MYH15: variants seen among roughly 807,000 people sequenced by gnomAD.
MYH15 encodes the protein myosin-15.
In MYH15, 227 loss-of-function variants were observed where a neutral mutation model predicts 240.5. The ratio of observed to expected loss-of-function variants is 0.94; its 90% confidence interval spans 0.85 to 1.05. The LOEUF is 1.05. Ranked by LOEUF, MYH15 falls within the 50% of genes least tolerant of loss-of-function variation. MYH15 has a pLI of 0.00. For missense variants in MYH15, 2,217 were observed against 2,247.5 expected (o/e 0.99, Z 0.27); for synonymous variants, 785 against 796.7 (o/e 0.99, Z 0.25).
chr3:108,445,709 T>C (rs12490722), intron 21 of MYH15, among the ~76,000 whole-genome samples: 13,300 of 152,056 alleles, frequency 0.087, 1,327 homozygotes, highest in East Asian at 0.53. Flanking sequence ...AAAAGTTTGA[T>C]GAAACCCCCA....
intron 11 of MYH15, among the ~76,000 whole-genome samples, chr3:108,477,511 CT>C (rs993442036): frequency 1.7e-4 from 26 of 152,082 alleles, no homozygotes; most frequent in African/African-American, 6.3e-4. Context: ...GAAACAGAAT[CT>C]TTTAAAAATT....
chr3:108,440,881 G>T, intron 23 of MYH15, 137 bp downstream of exon 23: 2 of 1,045,052 alleles, frequency 1.9e-6, no homozygotes, highest in South Asian at 1.5e-5. Context: ...TTTTGTGCCA[G>T]TTCTGACTCT....
At chr3:108,463,874 A>G (rs2083091879) in intron 15 of MYH15, among the ~76,000 whole-genome samples, 1 of 152,078 alleles carries the variant, frequency 6.6e-6, no homozygotes, top group South Asian at 2.1e-4. Context: ...AGAGGAAGGA[A>G]GGATTGAATG....
intron 37 of MYH15, 44 bp from the exon 38 acceptor site, chr3:108,389,118 C>A (rs766284333): frequency 6.5e-7 from 1 of 1,550,312 alleles, no homozygotes; most frequent in Non-Finnish European, 8.9e-7. Flanking sequence ...GCCACCAAGT[C>A]TGGCATTCTA....
rs147101810 is a variant in MYH15, at chr3:108,507,226, A to AATATAT, written c.89-1403_89-1398dup. 1.7e-3 allele frequency among the ~76,000 whole-genome samples: 170 copies of AATATAT among 98,414 alleles called. 1 individual carries two copies. Among genetic ancestry groups the AATATAT allele is most frequent in the African/African-American group, 3.7e-3 (80 of 21,876 alleles). 64.6% of individuals were successfully genotyped at this position (98,414 alleles called of 152,430 possible). On this transcript the variant is annotated intron_variant, in intron 1 of 40. Transcript: ENST00000693548. The stretch of plus-strand genomic sequence containing the variant: ...CATACTTTCCTTTTAAAGGAAAATG[A>AATATAT]ATATATATATATATATATATATATA...
chr3:108,414,108 G>A lies in MYH15; in HGVS notation c.4145+124C>T, dbSNP rs942083271. On this transcript the variant is annotated intron_variant, in intron 30 of 40. Transcript: ENST00000693548. Reference sequence around the variant, plus strand: ...GTGCACGTTTCAGCTTTGGTTTTGGGCTTGTTCCTGCACTCGGCAAGGATT... The same window carrying A: ...GTGCACGTTTCAGCTTTGGTTTTGGACTTGTTCCTGCACTCGGCAAGGATT... 8 of 1,023,236 alleles carry A rather than the reference G, an allele frequency of 7.8e-6. No individual in the cohort carries two copies. In the East Asian group the frequency reaches 1.8e-4, roughly 23 times the overall value. 63.4% of individuals were successfully genotyped at this position (1,023,236 alleles called of 1,614,324 possible).
intron 1 of MYH15, among the ~76,000 whole-genome samples, chr3:108,509,453 T>C (rs2083505206): frequency 6.6e-6 from 1 of 152,326 alleles, no homozygotes; most frequent in South Asian, 2.1e-4. Flanking sequence ...TTTGATTTGA[T>C]GGATTATAAT....
At chr3:108,401,024 T>C (rs1275364695) in intron 33 of MYH15, among the ~76,000 whole-genome samples, 1 of 152,138 alleles carries the variant, frequency 6.6e-6, no homozygotes, top group Admixed American at 6.5e-5. Flanking sequence ...CCCATCTCCC[T>C]GGTCCTCACA....
In MYH15 at chr3:108,505,838, C is replaced by CA. The variant is rs55971936; in HGVS notation, c.89-10dup. The CA allele has an allele frequency of 0.058, 73,528 of 1,267,010 alleles. 292 individuals carry two copies. The highest frequency in any genetic ancestry group is 0.13 in the East Asian group (4,744 of 37,190). The allele number at this position is 1,267,010 out of a possible 1,614,324, so 78.5% of individuals were successfully genotyped here. A position where few individuals can be genotyped will look rare whatever the true frequency, so the allele number is the denominator to read the frequency against. On this transcript the variant is annotated splice_polypyrimidine_tract_variant and intron_variant, in intron 1 of 40. Coordinates refer to ENST00000693548, the MANE Select transcript of MYH15 (RefSeq NM_014981.3). ...CCAGCATTTCTTCTTCCCTGTAGAG[C>CA]AAAAAAAAAAAAAAATGGATTATAG...
intron 1 of MYH15, among the ~76,000 whole-genome samples, chr3:108,509,384 T>A (rs1039996447): frequency 1.3e-5 from 2 of 152,184 alleles, no homozygotes; most frequent in Admixed American, 6.5e-5. Flanking sequence ...ATTATCTAAC[T>A]ACCTGCGATA....
At chr3:108,484,990 ATTAATT>A (rs2083293816) in intron 11 of MYH15, 95 bp downstream of exon 11, 1 of 1,284,250 alleles carries the variant, frequency 7.8e-7, no homozygotes, top group East Asian at 2.3e-5. Flanking sequence ...GACACTATTG[ATTAATT>A]TTAAGTAAGA....
At chr3:108,495,576 C>G (rs1364347944) in intron 7 of MYH15, among the ~76,000 whole-genome samples, 1 of 151,816 alleles carries the variant, frequency 6.6e-6, no homozygotes, top group African/African-American at 2.4e-5. Flanking sequence ...AATAGAAACT[C>G]CTAAAATGCA....
chr3:108,437,804 C>T (rs2082853967), intron 24 of MYH15, 105 bp from the exon 25 acceptor site: 8 of 1,092,554 alleles, frequency 7.3e-6, no homozygotes, highest in Admixed American at 2.8e-5. Flanking sequence ...GACACAAGCA[C>T]AAATTCTATA....
chr3:108,430,748 T>C, intron 26 of MYH15, 84 bp downstream of exon 26: 1 of 1,081,582 alleles, frequency 9.2e-7, no homozygotes, highest in South Asian at 1.4e-5. Flanking sequence ...TATGAATACC[T>C]TGGCAGAGAA....
At chr3:108,397,423 C>G (rs1247067931) in intron 35 of MYH15, among the ~76,000 whole-genome samples, 1 of 152,196 alleles carries the variant, frequency 6.6e-6, no homozygotes, top group African/African-American at 2.4e-5. Context: ...GTGCAGCTAC[C>G]TAACTCTTGG....
chr3:108,523,645 C>T (rs1403917864), intron 1 of MYH15, among the ~76,000 whole-genome samples: 1 of 151,894 alleles, frequency 6.6e-6, no homozygotes, highest in Non-Finnish European at 1.5e-5. Context: ...TTCTCTTACC[C>T]TTCTACTCAC....
chr3:108,444,983 T>G (rs1431973681), intron 21 of MYH15, 88 bp from the exon 22 acceptor site: 2 of 1,395,842 alleles, frequency 1.4e-6, no homozygotes, highest in Non-Finnish European at 9.6e-7. Context: ...AAACACATAT[T>G]TTTAGGAGTC....
intron 33 of MYH15, among the ~76,000 whole-genome samples, chr3:108,403,731 C>T (rs1204999373): frequency 6.6e-6 from 1 of 151,970 alleles, no homozygotes; most frequent in East Asian, 1.9e-4. Context: ...AATAGCTCAC[C>T]CCCCTGCCTC....
At chr3:108,463,082 G>GA in intron 16 of MYH15, 29 bp downstream of exon 16, 1 of 1,574,676 alleles carries the variant, frequency 6.4e-7, no homozygotes, top group South Asian at 1.2e-5. Flanking sequence ...TTCTGAGGCT[G>GA]AAAAATCAAG....
Sources: allele counts gnomAD v4.1 joint callset (sites outside exome capture counted in the v4.1 genomes callset), GRCh38; gene constraint gnomAD v4.1.1; transcripts MANE v1.5; gene names NCBI Gene and HGNC (gene_info 2026-07-23, HGNC 2026-07-21).